The following NPIPB2 variants were observed in gnomAD, a reference collection of about 807,000 sequenced individuals.
The protein encoded by NPIPB2 is nuclear pore complex-interacting protein family member B2.
A neutral mutation model predicts 30.8 loss-of-function variants in NPIPB2; 27 were observed. That is an observed-to-expected ratio of 0.88 (90% confidence interval 0.65 to 1.21). The LOEUF (loss-of-function observed/expected upper bound fraction) is 1.21, where lower values mean the gene tolerates loss of function less well. Ranked by LOEUF, NPIPB2 falls within the 50% of genes most tolerant of loss-of-function variation. The pLI is 0.00. For missense variants in NPIPB2, 440 were observed against 446.2 expected (o/e 0.99, Z 0.13); for synonymous variants, 147 against 162.0 (o/e 0.91, Z 0.70).
intron 2 of NPIPB2, among the ~76,000 whole-genome samples, chr16:11,934,226 T>TCACACACACACA (rs766087820): frequency 4.5e-3 from 541 of 121,546 alleles, no homozygotes; most frequent in African/African-American, 5.5e-3. Flanking sequence ...TGAGACTCTG[T>TCACACACACACA]CACACACACA....
intron 1 of NPIPB2, among the ~76,000 whole-genome samples, chr16:11,951,666 A>C (rs56733549): frequency 0.043 from 5,950 of 138,778 alleles, 369 homozygotes; most frequent in African/African-American, 0.12. Flanking sequence ...ACACACACAC[A>C]CCCAGCCCCC....
intron 1 of NPIPB2, among the ~76,000 whole-genome samples, chr16:11,947,327 TATA>T (rs2055021517): frequency 1.4e-5 from 2 of 139,596 alleles, no homozygotes; most frequent in Admixed American, 1.5e-4. Context: ...TTTATTTATA[TATA>T]TATATATTTA....
chr16:11,958,796 T>C (rs2055133920), intron 1 of NPIPB2, among the ~76,000 whole-genome samples: 1 of 151,928 alleles, frequency 6.6e-6, no homozygotes, highest in Non-Finnish European at 1.5e-5. Context: ...GTTAAAGAGG[T>C]GGTAACAATC....
intron 1 of NPIPB2, chr16:11,965,213 G>T (rs2055184044): frequency 6.9e-7 from 1 of 1,447,892 alleles, no homozygotes; most frequent in Admixed American, 1.9e-5. Flanking sequence ...GAAGTTCATT[G>T]TTCTCAACAT....
At chr16:11,956,607 T>C (rs2055115006) in intron 1 of NPIPB2, among the ~76,000 whole-genome samples, 1 of 151,922 alleles carries the variant, frequency 6.6e-6, no homozygotes, top group South Asian at 2.1e-4. Flanking sequence ...ACTCAGGAGG[T>C]GGAGGTTGCA....
At chr16:11,966,194 G>T (rs1259846447) in intron 1 of NPIPB2, 1 of 1,611,622 alleles carries the variant, frequency 6.2e-7, no homozygotes, top group Non-Finnish European at 8.5e-7. Flanking sequence ...TTTTCATAAA[G>T]GTGTGACCAA....
chr16:11,928,167 C>T (rs888299207), intron 7 of NPIPB2, among the ~76,000 whole-genome samples: 1 of 21,654 alleles, frequency 4.6e-5, no homozygotes, highest in African/African-American at 1.0e-4. Context: ...AAGACAGAGT[C>T]ATAACAGAGT....
chr16:11,965,923 A>G (rs777903849), intron 1 of NPIPB2, among the ~76,000 whole-genome samples: 3 of 152,148 alleles, frequency 2.0e-5, no homozygotes, highest in Non-Finnish European at 2.9e-5. Context: ...CAGCCTGGCC[A>G]ACCTGGTGAA....
intron 1 of NPIPB2, chr16:11,967,144 G>C (rs920437440): frequency 5.0e-6 from 1 of 198,690 alleles, no homozygotes; most frequent in African/African-American, 2.4e-5. Context: ...GGGACTATAG[G>C]TATGTGCCAT....
chr16:11,973,483 G>A (rs968221303), intron 1 of NPIPB2, among the ~76,000 whole-genome samples: 1 of 152,212 alleles, frequency 6.6e-6, no homozygotes, highest in South Asian at 2.1e-4. Flanking sequence ...TGGAGAAAAG[G>A]TAGACAAGTT....
rs1165999670 is a variant in NPIPB2, at chr16:11,937,673, A to T, written c.64-5T>A. On this transcript the variant is annotated splice_polypyrimidine_tract_variant and splice_region_variant and intron_variant, in intron 1 of 7. Coordinates refer to ENST00000399147, the Ensembl canonical transcript of NPIPB2. ...GTCAGCCAGAGTATTGATAACCTGG[A>T]ATAATAATAGTTGAAATAATGAAAA... 4 of 1,598,282 alleles carry T rather than the reference A, an allele frequency of 2.5e-6. No homozygotes were observed. Among genetic ancestry groups the T allele is most frequent in the Non-Finnish European group, 1.7e-6 (2 of 1,179,190 alleles).
rs146005555 is a variant in NPIPB2 at position 11,972,306 on chromosome 16, C to T, written c.-584+4262G>A. ...GGAGTCTGTTCTGGGCTGGATGCCG[C>T]GGCTCACGCCCGTAATTCCAGCACT... On this transcript the variant is annotated intron_variant, in intron 1 of 5. Coordinates refer to the NPIPB2 transcript ENST00000538896. Among the ~76,000 whole-genome samples, 85 of 151,512 alleles carry T rather than the reference C, an allele frequency of 5.6e-4. No homozygotes were observed. The East Asian group carries it at 0.011, about 20-fold the overall frequency.
intron 1 of NPIPB2, chr16:11,965,071 T>C (rs1567478677): frequency 3.9e-6 from 2 of 507,756 alleles, no homozygotes; most frequent in South Asian, 3.0e-5. Context: ...AGATGTGATA[T>C]GCCCTGATAT....
Position 11,933,920 on chromosome 16 carries a change from G to C in NPIPB2, c.197C>G (p.Ser66Cys), listed in dbSNP as rs758630158. The C allele has an allele frequency of 1.2e-5, 18 of 1,538,318 alleles. No individual in the cohort carries two copies. In the African/African-American group the frequency reaches 1.8e-4, roughly 15 times the overall value. ...AGACTGGAAGATAGTCTTCAGGAAA[G>C]ACAACTAGGAAATAATAATATAAGA... The change falls in exon 3 of 8, where the codon TCT becomes TGT. Residue 66 changes from serine (S) to cysteine (C), a missense_variant. By Grantham distance (112) the Ser-to-Cys change is moderately radical. Transcript: ENST00000399147.
rs1361981102 is a variant in NPIPB2 at position 11,934,060 on chromosome 16, G to A, written c.193-136C>T. On this transcript the variant is annotated intron_variant, in intron 2 of 7. Coordinates refer to ENST00000399147, the Ensembl canonical transcript of NPIPB2. ...AGCCTGGCCAAGATGGTGAAACCCC[G>A]TCTCTACTAAAAATACAAAAATTAG... 2.6e-5 allele frequency: 18 copies of A among 680,072 alleles called. 1 individual carries two copies. The highest frequency in any genetic ancestry group is 1.9e-4 in the East Asian group (7 of 37,092). 42.1% of individuals were successfully genotyped at this position (680,072 alleles called of 1,614,324 possible). A position where few individuals can be genotyped will look rare whatever the true frequency, so the allele number is the denominator to read the frequency against.
chr16:11,971,629 G>C (rs2055236319), intron 1 of NPIPB2, among the ~76,000 whole-genome samples: 1 of 151,890 alleles, frequency 6.6e-6, no homozygotes, highest in African/African-American at 2.4e-5. Context: ...CAAGTAGCTG[G>C]GATTACAACT....
chr16:11,950,967 A>G (rs1217758275), intron 1 of NPIPB2, among the ~76,000 whole-genome samples: 2 of 150,072 alleles, frequency 1.3e-5, no homozygotes, highest in African/African-American at 2.5e-5. Context: ...ACTAACATAT[A>G]TACATGATTT....
chr16:11,971,015 G>A (rs1205186027), intron 1 of NPIPB2, among the ~76,000 whole-genome samples: 2 of 151,720 alleles, frequency 1.3e-5, no homozygotes, highest in East Asian at 1.9e-4. Flanking sequence ...CACCATTCTC[G>A]GCTAATTTTT....
intron 1 of NPIPB2, among the ~76,000 whole-genome samples, chr16:11,955,135 A>T (rs1413893676): frequency 1.2e-4 from 18 of 151,836 alleles, no homozygotes; most frequent in Non-Finnish European, 1.5e-5. Context: ...AGCATGGTGG[A>T]TTGAGGCCAG....
Sources: allele counts gnomAD v4.1 joint callset (sites outside exome capture counted in the v4.1 genomes callset), GRCh38; gene constraint gnomAD v4.1.1; transcripts MANE v1.5; gene names NCBI Gene and HGNC (gene_info 2026-07-23, HGNC 2026-07-21).